The following APC variants were observed in gnomAD, a reference collection of about 807,000 sequenced individuals.
The protein encoded by APC is APC regulator of Wnt signaling pathway.
In APC, 72 loss-of-function variants were observed where a neutral mutation model predicts 247.0. That is an observed-to-expected ratio of 0.29 (90% CI 0.24 to 0.35). The LOEUF is 0.35. Ranked by LOEUF, APC falls within the 10% of genes least tolerant of loss-of-function variation. The pLI, the probability that APC is intolerant of heterozygous loss-of-function variation, is 1.00. For synonymous variants in APC, 1,254 were observed against 1,162.5 expected (o/e 1.08, Z -1.60); for missense variants, 3,400 against 3,360.7 (o/e 1.01, Z -0.29).
chr5:112,801,437 A>G (rs1257851429), intron 8 of APC, 54 bp downstream of exon 8: 3 of 1,253,860 alleles, frequency 2.4e-6, no homozygotes, highest in Non-Finnish European at 2.3e-6. Context: ...TCAGAAAAGT[A>G]TGAAGCAAGA....
At chr5:112,799,756 T>C (rs1760611175) in intron 7 of APC, among the ~76,000 whole-genome samples, 1 of 152,132 alleles carries the variant, frequency 6.6e-6, no homozygotes. Flanking sequence ...TTCTTTTTGT[T>C]CTACTTTCCT....
Position 112,835,572 on chromosome 5 carries a change from A to ATTT in APC, c.1958+423_1958+425dup, listed in dbSNP as rs11376379. On this transcript the variant is annotated intron_variant, in intron 15 of 15. Transcript: ENST00000257430. ...TGATGTCTTAGTATCCATAATAATA[A>ATTT]TTTTTTTTTTTTTTTTTTGAGACAG... Among the ~76,000 whole-genome samples, 95 of 132,972 alleles carry ATTT rather than the reference A, an allele frequency of 7.1e-4. 1 individual carries two copies. Among genetic ancestry groups the ATTT allele is most frequent in the Middle Eastern group, 7.8e-3 (2 of 256 alleles). 87.2% of individuals were successfully genotyped at this position (132,972 alleles called of 152,430 possible). A position where few individuals can be genotyped will look rare whatever the true frequency, so the allele number is the denominator to read the frequency against.
At position 112,840,008 on chromosome 5, in the gene APC, G is replaced by A. The variant is rs878853445; in HGVS notation, c.4414G>A (p.Val1472Ile). The change falls in exon 16 of 16, where the codon GTA (valine) becomes ATA (isoleucine). Residue 1472 changes from valine (V) to isoleucine (I), a missense_variant. Val to Ile is a conservative substitution (Grantham distance 29). Coordinates refer to ENST00000257430, the MANE Select transcript of APC (RefSeq NM_000038.6). The surrounding 1 kb of genome is among the most constrained non-coding windows in gnomAD (Gnocchi z 4.1). ...KRESGPKQAA[V>I]NAAVQRVQVL... ...AGAGAGTGGACCTAAGCAAGCTGCA[G>A]TAAATGCTGCAGTTCAGAGGGTCCA... 5 of 1,614,140 alleles carry A rather than the reference G, an allele frequency of 3.1e-6. No homozygotes were observed. The highest frequency in any genetic ancestry group is 3.4e-6 in the Non-Finnish European group (4 of 1,180,022).
At chr5:112,807,433 A>G (rs886091700) in intron 8 of APC, among the ~76,000 whole-genome samples, 5 of 152,142 alleles carry the variant, frequency 3.3e-5, no homozygotes, top group African/African-American at 9.7e-5. Flanking sequence ...TTTTTATACT[A>G]TACAACTTAC....
At chr5:112,834,883 T>A in intron 14 of APC, 68 bp from the exon 15 acceptor site, 1 of 1,365,412 alleles carries the variant, frequency 7.3e-7, no homozygotes, top group Non-Finnish European at 1.0e-6. Flanking sequence ...TCAATATCAG[T>A]AACATAGAAG....
intron 6 of APC, among the ~76,000 whole-genome samples, chr5:112,792,185 G>T (rs958479534): frequency 6.6e-6 from 1 of 152,074 alleles, no homozygotes; most frequent in Non-Finnish European, 1.5e-5. Context: ...GGCGGAGGTT[G>T]CGGTGAGCTG....
Position 112,815,549 on chromosome 5 carries a change from A to G in APC, c.889A>G (p.Thr297Ala), listed in dbSNP as rs876660572. ...ETASVLSSSS[T>A]HSAPRRLTSH... ...AGCCAGTGTTTTGAGTTCTAGTAGCACACACTCTGCACCTCGAAGGCTGAC... is the reference window on the plus strand; with the variant it reads ...AGCCAGTGTTTTGAGTTCTAGTAGCGCACACTCTGCACCTCGAAGGCTGAC... The change falls in exon 9 of 16, where the codon ACA becomes GCA. Residue 297 changes from threonine (T) to alanine (A), a missense_variant. This residue lies in a region of APC where 372 missense variants were observed against 367.6 expected (regional missense o/e 1.01). Transcript: ENST00000257430. The G allele has an allele frequency of 4.3e-6, 7 of 1,612,336 alleles. No homozygotes were observed. The highest frequency in any genetic ancestry group is 2.2e-5 in the South Asian group (2 of 91,058).
At chr5:112,785,554 GAA>G (rs1257653498) in intron 6 of APC, among the ~76,000 whole-genome samples, 1 of 152,114 alleles carries the variant, frequency 6.6e-6, no homozygotes, top group African/African-American at 2.4e-5. Context: ...ATTTATGAAA[GAA>G]CGCATAATTG....
In APC at chr5:112,835,188, C is replaced by T. The variant is rs755446528; in HGVS notation, c.1958+23C>T. ...CAGGTATATATAGAGTTTTATATTACTTTTAAAGTACAGAATTCATACTCT... is the reference window on the plus strand; with the variant it reads ...CAGGTATATATAGAGTTTTATATTATTTTTAAAGTACAGAATTCATACTCT... On this transcript the variant is annotated intron_variant, in intron 15 of 15. Coordinates refer to ENST00000257430, the MANE Select transcript of APC (RefSeq NM_000038.6). 4 of 1,576,196 alleles carry T rather than the reference C, an allele frequency of 2.5e-6. No individual in the cohort carries two copies. The Admixed American group carries it at 6.9e-5, about 27-fold the overall frequency.
At chr5:112,716,962 T>C (rs1168920319) in intron 1 of APC, among the ~76,000 whole-genome samples, 1 of 152,204 alleles carries the variant, frequency 6.6e-6, no homozygotes, top group Non-Finnish European at 1.5e-5. Context: ...TGCACTTTAA[T>C]TCTACTTACT....
intron 8 of APC, 115 bp downstream of exon 8, chr5:112,801,498 C>G: frequency 2.7e-6 from 2 of 748,946 alleles, no homozygotes; most frequent in Non-Finnish European, 4.4e-6. Context: ...GTCCTGAATG[C>G]ATATTTCCAG....
intron 9 of APC, among the ~76,000 whole-genome samples, chr5:112,815,808 C>G (rs1692675755): frequency 6.6e-6 from 1 of 152,154 alleles, no homozygotes; most frequent in Non-Finnish European, 1.5e-5. Flanking sequence ...TGGTGGCACA[C>G]ACCTGTGGTC....
chr5:112,800,958 GAT>G lies in APC; in HGVS notation c.730-319_730-318del, dbSNP rs571570485. ...CAGAATCATGTGTCCTTGCAGAAAAGATAGTTATTTGTTCTACTTGGGTTATG... is the reference window on the plus strand; with the variant it reads ...CAGAATCATGTGTCCTTGCAGAAAAGAGTTATTTGTTCTACTTGGGTTATG... On this transcript the variant is annotated intron_variant, in intron 7 of 15. Coordinates refer to ENST00000257430, the MANE Select transcript of APC (RefSeq NM_000038.6). Among the ~76,000 whole-genome samples the G allele has an allele frequency of 2.0e-5, 3 of 152,248 alleles. No individual in the cohort carries two copies. In the East Asian group the frequency reaches 5.8e-4, roughly 29 times the overall value.
chr5:112,726,210 C>A (rs759565169), intron 1 of APC, among the ~76,000 whole-genome samples: 6 of 152,344 alleles, frequency 3.9e-5, no homozygotes, highest in Non-Finnish European at 8.8e-5. Flanking sequence ...TAAGTGTTAA[C>A]CAGCTAAGTA....
At chr5:112,711,777 G>C (rs894958870) in intron 1 of APC, among the ~76,000 whole-genome samples, 7 of 152,110 alleles carry the variant, frequency 4.6e-5, no homozygotes, top group African/African-American at 7.2e-5. Context: ...CAAGTACATA[G>C]ATAGAAGTGG....
intron 6 of APC, among the ~76,000 whole-genome samples, chr5:112,781,511 T>C (rs973959560): frequency 6.6e-6 from 1 of 152,242 alleles, no homozygotes; most frequent in African/African-American, 2.4e-5. Context: ...TTGCCTTATC[T>C]GTTTCAAAAC....
intron 3 of APC, among the ~76,000 whole-genome samples, chr5:112,766,646 C>G (rs1756369404): frequency 6.6e-6 from 1 of 152,098 alleles, no homozygotes; most frequent in African/African-American, 2.4e-5. Flanking sequence ...AAATCCCTCC[C>G]TTAAATAATT....
intron 6 of APC, among the ~76,000 whole-genome samples, chr5:112,788,130 T>C (rs1167212808): frequency 1.3e-5 from 2 of 152,174 alleles, no homozygotes; most frequent in Non-Finnish European, 2.9e-5. Context: ...TTCTGGACTT[T>C]CTTCTGTTAG....
intron 1 of APC, among the ~76,000 whole-genome samples, chr5:112,708,646 G>A (rs1750671958): frequency 6.6e-6 from 1 of 152,224 alleles, no homozygotes; most frequent in African/African-American, 2.4e-5. Flanking sequence ...TTTATTCAGT[G>A]TTAGCTTAAA....
Sources: gnomAD v4.1 joint callset for allele counts (sites outside exome capture counted in the v4.1 genomes callset) on GRCh38, gnomAD v4.1.1 for gene constraint, gnomAD v4.1.1 regional missense constraint, Gnocchi (gnomAD v3.1) non-coding constraint, MANE v1.5 for transcripts, NCBI Gene and HGNC (gene_info 2026-07-23, HGNC 2026-07-21) for gene names.